MAPK11: variants seen among roughly 807,000 people sequenced by gnomAD.
MAPK11 encodes MAP kinase 11.
A neutral mutation model predicts 52.2 loss-of-function variants in MAPK11; 44 were observed. The ratio of observed to expected loss-of-function variants is 0.84; its 90% CI spans 0.66 to 1.08. MAPK11 has a LOEUF of 1.08. Ranked by LOEUF, MAPK11 falls within the 50% of genes least tolerant of loss-of-function variation. The pLI is 0.00. For missense variants in MAPK11, 436 were observed against 494.7 expected (o/e 0.88, Z 1.13); for synonymous variants, 233 against 206.3 (o/e 1.13, Z -1.11).
In MAPK11 at chr22:50,267,860, T is replaced by C. The variant is rs1235550902; in HGVS notation, c.206A>G (p.Tyr69Cys). ...FQSLIHARRT[Y>C]RELRLLKHLK... Reference sequence around the variant, plus strand: ...GTGCTTGAGCAGCCGCAGCTCCCGGTACGTTCTGCGCGCGTGGATCAGCGA... The same window carrying C: ...GTGCTTGAGCAGCCGCAGCTCCCGGCACGTTCTGCGCGCGTGGATCAGCGA... The change falls in exon 2 of 12, where the codon TAC becomes TGC. Residue 69 changes from tyrosine (Y) to cysteine (C), a missense_variant. Tyr to Cys is a radical substitution (Grantham distance 194). Transcript: ENST00000330651. 1 of 1,584,826 alleles carries C rather than the reference T, an allele frequency of 6.3e-7. No individual in the cohort carries two copies. The highest frequency in any genetic ancestry group is 8.6e-7 in the Non-Finnish European group (1 of 1,168,508).
intron 8 of MAPK11, 109 bp downstream of exon 8, chr22:50,266,431 T>C: frequency 3.6e-6 from 5 of 1,378,638 alleles, no homozygotes; most frequent in Non-Finnish European, 4.0e-6. Context: ...CAAAGTAGCA[T>C]AGCATGGGGG....
In MAPK11 at chr22:50,270,024, C is replaced by T. The variant is rs1298783128; in HGVS notation, c.116+153G>A. Among the ~76,000 whole-genome samples the T allele has an allele frequency of 6.6e-6, 1 of 151,906 alleles. No homozygotes were observed. Among genetic ancestry groups the T allele is most frequent in the East Asian group, 1.9e-4 (1 of 5,168 alleles). On this transcript the variant is annotated intron_variant, in intron 1 of 11. Coordinates refer to ENST00000330651, the MANE Select transcript of MAPK11 (RefSeq NM_002751.7). The surrounding 1 kb of genome is among the most constrained non-coding windows in gnomAD (Gnocchi z 6.3). ...AAGTTTCTTTACGCCGCCACCCCCG[C>T]CCCCCCATTCATTCCTCAGATCCGC...
At chr22:50,268,023 T>G in intron 1 of MAPK11, 74 bp from the exon 2 acceptor site, 1 of 1,337,724 alleles carries the variant, frequency 7.5e-7, no homozygotes, top group Non-Finnish European at 9.7e-7. Flanking sequence ...CCGGGCGGCG[T>G]CCCTCTCGCC....
Position 50,270,314 on chromosome 22 carries a change from G to C in MAPK11, c.-22C>G. On this transcript the variant is annotated 5_prime_UTR_variant, in exon 1 of 12. Coordinates refer to ENST00000330651, the MANE Select transcript of MAPK11 (RefSeq NM_002751.7). This position sits in a 1 kb window ranked among gnomAD's most constrained non-coding sequence, Gnocchi z 6.3. Reference sequence around the variant, plus strand: ...ACATGTCCGGAGCAGCCGCCGCTCCGCCCGGGCCCAGCCCCGCGCCCCGCG... The same window carrying C: ...ACATGTCCGGAGCAGCCGCCGCTCCCCCCGGGCCCAGCCCCGCGCCCCGCG... 8.9e-7 allele frequency: 1 copy of C among 1,118,830 alleles called. No homozygotes were observed. Among genetic ancestry groups the C allele is most frequent in the Non-Finnish European group, 1.1e-6 (1 of 888,022 alleles). 69.3% of individuals were successfully genotyped at this position (1,118,830 alleles called of 1,614,324 possible).
chr22:50,265,014 C>T lies in MAPK11; in HGVS notation c.1029G>A (p.Gln343=). 6.2e-7 allele frequency: 1 copy of T among 1,613,268 alleles called. No individual in the cohort carries two copies. The highest frequency in any genetic ancestry group is 8.5e-7 in the Non-Finnish European group (1 of 1,179,708). Reference sequence around the variant, plus strand: ...CTGGGGGCTTGAAGCTGAGGACTTCCTGGTAAGTGAGCTCTAGGAGGTGAA... The same window carrying T: ...CTGGGGGCTTGAAGCTGAGGACTTCTTGGTAAGTGAGCTCTAGGAGGTGAA... ...TLEEWKELTY[Q]EVLSFKPPEP... Residue 343 remains glutamine (Q), a synonymous_variant, in exon 12 of 12, where the codon CAG becomes CAA. Transcript: ENST00000330651.
At chr22:50,267,676 T>C in intron 2 of MAPK11, 49 bp from the exon 3 acceptor site, 1 of 1,492,386 alleles carries the variant, frequency 6.7e-7, no homozygotes, top group South Asian at 1.3e-5. Flanking sequence ...CCGGCTGTCG[T>C]TCAGCTCCCC....
At chr22:50,265,939 C>G (rs531391422) in intron 9 of MAPK11, among the ~76,000 whole-genome samples, 3 of 133,008 alleles carry the variant, frequency 2.3e-5, no homozygotes, top group African/African-American at 8.0e-5. Flanking sequence ...CAGCCCACCC[C>G]CACTGCCCTG....
chr22:50,268,422 C>T (rs529473302), intron 1 of MAPK11, among the ~76,000 whole-genome samples: 42 of 152,316 alleles, frequency 2.8e-4, no homozygotes, highest in Non-Finnish European at 5.3e-4. Flanking sequence ...CTGGTGCCTC[C>T]GAATGTTCAA....
chr22:50,268,066 T>G, intron 1 of MAPK11, 117 bp from the exon 2 acceptor site: 6 of 1,084,686 alleles, frequency 5.5e-6, no homozygotes, highest in Admixed American at 3.9e-5. Context: ...GTGGGGCTTT[T>G]CTGCCCCGGC....
In MAPK11 at chr22:50,266,608, T is replaced by C. The variant is rs2147269420; in HGVS notation, c.614A>G (p.Asp205Gly). 2 of 1,542,298 alleles carry C rather than the reference T, an allele frequency of 1.3e-6. No individual in the cohort carries two copies. Among genetic ancestry groups the C allele is most frequent in the East Asian group, 2.3e-5 (1 of 44,306 alleles). ...LNWMHYNQTV[D>G]IWSVGCIMAE... The stretch of plus-strand genomic sequence containing the variant: ...CATGATGCAGCCCACGGACCAGATA[T>C]CCACTGTGCGAGGGCGAGGGGACCT... Residue 205 changes from aspartate to glycine, a missense_variant, in exon 8 of 12, where the codon GAT (aspartate) becomes GGT (glycine). Asp to Gly is a moderately conservative substitution (Grantham distance 94). Coordinates refer to ENST00000330651, the MANE Select transcript of MAPK11 (RefSeq NM_002751.7).
intron 1 of MAPK11, among the ~76,000 whole-genome samples, chr22:50,269,175 C>CA (rs577845677): frequency 1.8e-4 from 27 of 152,180 alleles, no homozygotes; most frequent in Non-Finnish European, 3.5e-4. Context: ...CTTCAGGTCT[C>CA]AAAGAGGAAG....
rs750199830 is a variant in MAPK11, at chr22:50,267,601, C to A, written c.273G>T (p.Thr91=). The A allele has an allele frequency of 2.6e-6, 4 of 1,543,460 alleles. No individual in the cohort carries two copies. Among genetic ancestry groups the A allele is most frequent in the Non-Finnish European group, 2.6e-6 (3 of 1,145,060 alleles). ...ENVIGLLDVF[T]PATSIEDFSE... ...TGAAGTCCTCGATGGACGTGGCCGGCGTGAAGACGTCCAGAAGCCCGATGA... is the reference window on the plus strand; with the variant it reads ...TGAAGTCCTCGATGGACGTGGCCGGAGTGAAGACGTCCAGAAGCCCGATGA... Residue 91 remains threonine (T), a synonymous_variant, in exon 3 of 12, where the codon ACG becomes ACT. Coordinates refer to ENST00000330651, the MANE Select transcript of MAPK11 (RefSeq NM_002751.7).
At chr22:50,265,912 T>G (rs1460169510) in intron 9 of MAPK11, among the ~76,000 whole-genome samples, 1 of 132,304 alleles carries the variant, frequency 7.6e-6, no homozygotes, top group Non-Finnish European at 1.6e-5. Flanking sequence ...GGCCAGGCAC[T>G]GCTTGCTGGG....
chr22:50,266,310 G>A lies in MAPK11; in HGVS notation c.683-5C>T. ...TGCGCTTCAGCTGGTCAATGTCTGT[G>A]TCACTCAGGAAACACCCACGGGCCA... On this transcript the variant is annotated splice_polypyrimidine_tract_variant and splice_region_variant and intron_variant, in intron 8 of 11. Transcript: ENST00000330651. The A allele has an allele frequency of 1.2e-6, 2 of 1,604,804 alleles. No individual in the cohort carries two copies. The highest frequency in any genetic ancestry group is 2.2e-5 in the East Asian group (1 of 44,610).
rs2147268386 is a variant in MAPK11 at position 50,265,630 on chromosome 22, T to G, written c.793A>C (p.Met265Leu). The change falls in exon 10 of 12, where the codon ATG (methionine) becomes CTG (leucine). Residue 265 changes from methionine (M) to leucine (L), a missense_variant. Physicochemically the swap from Met to Leu is conservative, Grantham distance 15. Coordinates refer to ENST00000330651, the MANE Select transcript of MAPK11 (RefSeq NM_002751.7). ...ARTYIQSLPP[M>L]PQKDLSSIFR... Reference sequence around the variant, plus strand: ...ATGCTGCTCAGGTCCTTCTGGGGCATGGGGGGCAGGGACTGGATATATGTC... The same window carrying G: ...ATGCTGCTCAGGTCCTTCTGGGGCAGGGGGGGCAGGGACTGGATATATGTC... The G allele has an allele frequency of 6.2e-7, 1 of 1,601,476 alleles. No individual in the cohort carries two copies. The highest frequency in any genetic ancestry group is 8.5e-7 in the Non-Finnish European group (1 of 1,173,544).
chr22:50,267,501 G>T lies in MAPK11; in HGVS notation c.306-19C>A, dbSNP rs753751338. ...CAAGTACCTGGGGCGGGGTCAGGGG[G>T]TCAGGACAGGGCCCCACCGCCCCAC... On this transcript the variant is annotated intron_variant, in intron 3 of 11. Coordinates refer to ENST00000330651, the MANE Select transcript of MAPK11 (RefSeq NM_002751.7). 5.7e-6 allele frequency: 9 copies of T among 1,589,230 alleles called. No homozygotes were observed. The highest frequency in any genetic ancestry group is 1.1e-5 in the South Asian group (1 of 88,360).
intron 7 of MAPK11, 48 bp from the exon 8 acceptor site, chr22:50,266,659 C>T: frequency 1.3e-6 from 2 of 1,547,240 alleles, no homozygotes; most frequent in African/African-American, 1.4e-5. Context: ...CCCCACGTCC[C>T]TCCTCCAGGA....
Position 50,270,299 on chromosome 22 carries a change from A to T in MAPK11, c.-7T>A. On this transcript the variant is annotated 5_prime_UTR_variant, in exon 1 of 12. Coordinates refer to ENST00000330651, the MANE Select transcript of MAPK11 (RefSeq NM_002751.7). This position sits in a 1 kb window ranked among gnomAD's most constrained non-coding sequence, Gnocchi z 6.3. ...CGGCGCGAGGGCCCGACATGTCCGG[A>T]GCAGCCGCCGCTCCGCCCGGGCCCA... 1 of 1,280,710 alleles carries T rather than the reference A, an allele frequency of 7.8e-7. No individual in the cohort carries two copies. 79.3% of individuals were successfully genotyped at this position (1,280,710 alleles called of 1,614,324 possible).
At chr22:50,265,797 C>G in intron 9 of MAPK11, 137 bp from the exon 10 acceptor site, 1 of 625,256 alleles carries the variant, frequency 1.6e-6, no homozygotes, top group South Asian at 2.0e-5. Flanking sequence ...ACCAGTGACC[C>G]CCTCCATATA....
Sources: allele counts gnomAD v4.1 joint callset (sites outside exome capture counted in the v4.1 genomes callset), GRCh38; gene constraint gnomAD v4.1.1; non-coding constraint Gnocchi (gnomAD v3.1); transcripts MANE v1.5; gene names NCBI Gene and HGNC (gene_info 2026-07-23, HGNC 2026-07-21).